The following C12orf57 variants were observed in gnomAD, a reference collection of about 807,000 sequenced individuals.
C12orf57 encodes chromosome 12 open reading frame 57.
In C12orf57, 14 loss-of-function variants were observed where a neutral mutation model predicts 11.3. That is an observed-to-expected ratio of 1.24 (90% confidence interval 0.82 to 1.94). The LOEUF is 1.94. Ranked by LOEUF, C12orf57 falls within the 30% of genes most tolerant of loss-of-function variation. The probability of loss-of-function intolerance (pLI) is 0.00; values close to 1 mark genes in which losing one functional copy is unlikely to be tolerated. For synonymous variants in C12orf57, 100 were observed against 74.6 expected (o/e 1.34, Z -1.76); for missense variants, 229 against 172.4 (o/e 1.33, Z -1.84).
chr12:6,945,688 C>A, intron 2 of C12orf57, 83 bp from the exon 3 acceptor site: 1 of 1,436,090 alleles, frequency 7.0e-7, no homozygotes, highest in Non-Finnish European at 9.7e-7. Context: ...GGGAGCAGTT[C>A]ATGCTTAGAC....
At chr12:6,944,996 C>T (rs782746023) in intron 2 of C12orf57, 8 of 611,694 alleles carry the variant, frequency 1.3e-5, no homozygotes, top group Non-Finnish European at 1.8e-5. Flanking sequence ...TATACACGCA[C>T]CTTATGCACA....
chr12:6,944,307 G>A (rs782369190), intron 1 of C12orf57, 134 bp downstream of exon 1: 116 of 1,583,386 alleles, frequency 7.3e-5, no homozygotes, highest in Non-Finnish European at 9.5e-5. Flanking sequence ...AATGGGGTAG[G>A]GGACGCCGGG....
At chr12:6,944,966 C>T (rs1555146245) in intron 2 of C12orf57, 2 of 949,716 alleles carry the variant, frequency 2.1e-6, no homozygotes, top group African/African-American at 3.3e-5. Flanking sequence ...TAAATCTGAA[C>T]ACGAAATTGT....
chr12:6,944,078 A>C lies in C12orf57; in HGVS notation c.-44A>C. The C allele has an allele frequency of 1.2e-6, 2 of 1,613,732 alleles. No individual in the cohort carries two copies. Among genetic ancestry groups the C allele is most frequent in the Non-Finnish European group, 1.7e-6 (2 of 1,179,898 alleles). On this transcript the variant is annotated 5_prime_UTR_variant, in exon 1 of 3. Coordinates refer to ENST00000229281, the MANE Select transcript of C12orf57 (RefSeq NM_138425.4). ...TGTAGGACGTGGCTCTTTATTCGTGAGTTTTCCATTTACCTCCGCTGAACC... is the reference window on the plus strand; with the variant it reads ...TGTAGGACGTGGCTCTTTATTCGTGCGTTTTCCATTTACCTCCGCTGAACC...
chr12:6,944,011 G>A (rs181068613), upstream of C12orf57: 217 of 1,600,202 alleles, frequency 1.4e-4, 1 homozygote, highest in South Asian at 6.9e-4. Context: ...CGGCTGCGCC[G>A]GATGCTGTTT....
upstream of C12orf57, chr12:6,943,929 T>C (rs782058037): frequency 2.3e-4 from 309 of 1,325,082 alleles, no homozygotes; most frequent in African/African-American, 7.5e-4. Flanking sequence ...GCAAAAATTA[T>C]GGGTAGTTTT....
At chr12:6,945,650 G>T in intron 2 of C12orf57, 121 bp from the exon 3 acceptor site, 1 of 1,071,726 alleles carries the variant, frequency 9.3e-7, no homozygotes, top group Non-Finnish European at 1.4e-6. Flanking sequence ...CATGCGTCCT[G>T]TTTGGCAAAC....
chr12:6,943,973 G>T (rs1006252093), upstream of C12orf57: 7 of 1,564,212 alleles, frequency 4.5e-6, no homozygotes, highest in East Asian at 4.5e-5. Context: ...CTTGGGGTAT[G>T]AAGGTTTGGG....
chr12:6,943,973 G>C, upstream of C12orf57: 1 of 1,564,330 alleles, frequency 6.4e-7, no homozygotes, highest in Non-Finnish European at 8.6e-7. Flanking sequence ...CTTGGGGTAT[G>C]AAGGTTTGGG....
At chr12:6,943,779 C>A, upstream of C12orf57, 2 of 968,022 alleles carry the variant, frequency 2.1e-6, no homozygotes, top group Non-Finnish European at 2.8e-6. Context: ...TTGTGGAGTT[C>A]CTTTATATCC....
At chr12:6,943,812 G>T (rs138143712), upstream of C12orf57, 8 of 860,066 alleles carry the variant, frequency 9.3e-6, no homozygotes, top group Admixed American at 3.4e-5. Flanking sequence ...AAACACATAC[G>T]CAGCAGTGTT....
chr12:6,943,905 A>T (rs772472229), upstream of C12orf57: 8 of 1,155,192 alleles, frequency 6.9e-6, no homozygotes, highest in South Asian at 7.8e-5. Flanking sequence ...CCAATGATAG[A>T]TTGTTTTCAC....
chr12:6,944,024 T>C lies in C12orf57; in HGVS notation c.-98T>C, dbSNP rs1565573593. The C allele has an allele frequency of 5.6e-6, 9 of 1,606,430 alleles. No individual in the cohort carries two copies. The highest frequency in any genetic ancestry group is 6.8e-6 in the Non-Finnish European group (8 of 1,178,660). ...TCCGGCTGCGCCGGATGCTGTTTCC[T>C]TTCCGCTCCCAGGGGCGTTGGGAAC... On this transcript the variant is annotated 5_prime_UTR_variant, in exon 1 of 3. Coordinates refer to ENST00000229281, the MANE Select transcript of C12orf57 (RefSeq NM_138425.4).
upstream of C12orf57, chr12:6,943,863 T>A (rs74057226): frequency 3.2e-6 from 3 of 938,858 alleles, no homozygotes; most frequent in South Asian, 5.2e-5. Context: ...TTCTGGCTTT[T>A]TACCGGAAAG....
upstream of C12orf57, chr12:6,943,652 G>T: frequency 7.8e-7 from 1 of 1,287,880 alleles, no homozygotes; most frequent in Non-Finnish European, 1.0e-6. Flanking sequence ...CTCTAGAAAT[G>T]AATGACTTAA....
rs1010684626 is a variant in C12orf57 at position 6,944,496 on chromosome 12, C to G, written c.73C>G (p.Gln25Glu). 3.1e-6 allele frequency: 5 copies of G among 1,612,772 alleles called. No individual in the cohort carries two copies. Among genetic ancestry groups the G allele is most frequent in the East Asian group, 2.2e-5 (1 of 44,868 alleles). The part of the protein sequence containing the change: ...QAKVVLAEVI[Q>E]AFSAPENAVR... ...CGCAGTGGTCCTCGCGGAGGTGATC[C>G]AGGCGTTCTCCGCCCCGGAGAATGC... The change falls in exon 2 of 3, where the codon CAG becomes GAG. Residue 25 changes from glutamine to glutamate, a missense_variant. Coordinates refer to ENST00000229281, the MANE Select transcript of C12orf57 (RefSeq NM_138425.4).
upstream of C12orf57, chr12:6,943,678 T>G: frequency 7.8e-7 from 1 of 1,283,142 alleles, no homozygotes; most frequent in Non-Finnish European, 1.0e-6. Context: ...TTCCTTAGAA[T>G]ATTATTTTTC....
At position 6,944,645 on chromosome 12, in the gene C12orf57, C is replaced by T; in HGVS notation, c.222C>T (p.Asp74=). 6.2e-7 allele frequency: 1 copy of T among 1,611,744 alleles called. No homozygotes were observed. Among genetic ancestry groups the T allele is most frequent in the Non-Finnish European group, 8.5e-7 (1 of 1,178,052 alleles). Residue 74 remains aspartate, a synonymous_variant, in exon 2 of 3, where the codon GAC becomes GAT. Coordinates refer to ENST00000229281, the MANE Select transcript of C12orf57 (RefSeq NM_138425.4). The part of the protein sequence containing the change: ...EVIKAYGFSC[D]GEGVLKFARL... Reference sequence around the variant, plus strand: ...TCAAAGCCTATGGCTTCAGCTGCGACGGGGAAGGTGGGTCAGACGCGGGAA... The same window carrying T: ...TCAAAGCCTATGGCTTCAGCTGCGATGGGGAAGGTGGGTCAGACGCGGGAA...
At chr12:6,943,839 T>G (rs976977214), upstream of C12orf57, 16 of 873,876 alleles carry the variant, frequency 1.8e-5, no homozygotes, top group African/African-American at 1.7e-5. Context: ...CTTTTAGAAT[T>G]TGTCTAGTAG....
Sources: gnomAD v4.1 joint callset for allele counts on GRCh38, gnomAD v4.1.1 for gene constraint, MANE v1.5 for transcripts, NCBI Gene and HGNC (gene_info 2026-07-23, HGNC 2026-07-21) for gene names.